TUSC3: variants seen among roughly 807,000 people sequenced by gnomAD.
The protein encoded by TUSC3 is tumor suppressor candidate 3, also known as dolichyl-diphosphooligosaccharide--protein glycosyltransferase subunit TUSC3.
TUSC3 carries 45 observed loss-of-function variants against 44.8 expected under a neutral mutation model. The ratio of observed to expected loss-of-function variants is 1.00; its 90% CI spans 0.79 to 1.29. The LOEUF is 1.29. Among genes scored for constraint, TUSC3 ranks in the 50% most tolerant of loss-of-function variants. TUSC3 has a pLI of 0.00. For synonymous variants in TUSC3, 212 were observed against 152.9 expected (o/e 1.39, Z -2.85); for missense variants, 519 against 437.9 (o/e 1.19, Z -1.65).
intron 1 of TUSC3, among the ~76,000 whole-genome samples, chr8:15,433,422 T>C (rs1033483766): frequency 6.6e-6 from 1 of 152,160 alleles, no homozygotes; most frequent in African/African-American, 2.4e-5. Context: ...GACCTTTTAT[T>C]AGTTTGAGTT....
At chr8:15,849,546 A>G in the TUSC3 span, among the ~76,000 whole-genome samples, 3 of 152,212 alleles carry the variant, frequency 2.0e-5, no homozygotes. Context: ...GCCCAACTTA[A>G]AGAAAGCCAC....
chr8:15,626,892 A>G (rs1263948362), intron 2 of TUSC3, among the ~76,000 whole-genome samples: 1 of 152,198 alleles, frequency 6.6e-6, no homozygotes, highest in Non-Finnish European at 1.5e-5. Context: ...CAACCTGGGC[A>G]CCATGAATGG....
At chr8:15,457,865 A>T (rs1334915289) in intron 1 of TUSC3, among the ~76,000 whole-genome samples, 12 of 56,294 alleles carry the variant, frequency 2.1e-4, no homozygotes, top group Non-Finnish European at 3.4e-4. Context: ...ATTATCTAAT[A>T]AATTAATTAG....
At chr8:15,545,219 C>G (rs1801823412) in intron 1 of TUSC3, among the ~76,000 whole-genome samples, 1 of 151,496 alleles carries the variant, frequency 6.6e-6, no homozygotes, top group Non-Finnish European at 1.5e-5. Context: ...TCCTTGAAAG[C>G]AACTAATGTC....
chr8:15,635,548 C>A (rs1305078175), intron 2 of TUSC3, among the ~76,000 whole-genome samples: 1 of 152,120 alleles, frequency 6.6e-6, no homozygotes, highest in African/African-American at 2.4e-5. Context: ...TTTAAAAATT[C>A]ACAATGGAAT....
intron 1 of TUSC3, among the ~76,000 whole-genome samples, chr8:15,611,718 G>C (rs1284685804): frequency 6.6e-6 from 1 of 152,018 alleles, no homozygotes; most frequent in Non-Finnish European, 1.5e-5. Flanking sequence ...AGGTAGTGGT[G>C]GTCTTTACTG....
intron 2 of TUSC3, among the ~76,000 whole-genome samples, chr8:15,522,452 T>G (rs921740692): frequency 3.3e-5 from 5 of 152,066 alleles, no homozygotes; most frequent in Non-Finnish European, 7.4e-5. Context: ...AGGTTGGTCT[T>G]GAACTCCCGA....
At chr8:15,837,275 C>T in the TUSC3 span, among the ~76,000 whole-genome samples, 1 of 151,946 alleles carries the variant, frequency 6.6e-6, no homozygotes, top group South Asian at 2.1e-4. Context: ...TCAGTTTTTT[C>T]TTATGGCATA....
At position 15,437,343 on chromosome 8, in the gene TUSC3, A is replaced by C. The variant is rs114918722; in HGVS notation, n.91+20038A>C. ...AGTCTAGACCTACATATCTCTGTTT[A>C]CTACATTTCTAAGCAGCTTTTATTT... On this transcript the variant is annotated intron_variant and non_coding_transcript_variant, in intron 1 of 5. Transcript: ENST00000503191. Among the ~76,000 whole-genome samples the C allele has an allele frequency of 4.5e-3, 679 of 152,296 alleles. 6 individuals carry two copies. Among genetic ancestry groups the C allele is most frequent in the African/African-American group, 0.016 (650 of 41,576 alleles).
intron 1 of TUSC3, among the ~76,000 whole-genome samples, chr8:15,569,748 G>T (rs1232678424): frequency 1.3e-5 from 2 of 152,066 alleles, no homozygotes; most frequent in Admixed American, 1.3e-4. Flanking sequence ...TTGTTGATTA[G>T]CATAATTTTT....
intron 2 of TUSC3, among the ~76,000 whole-genome samples, chr8:15,526,620 T>C (rs1386442444): frequency 6.6e-6 from 1 of 152,198 alleles, no homozygotes; most frequent in Non-Finnish European, 1.5e-5. Context: ...TCTGCCGCCA[T>C]GTAAAATGTG....
chr8:15,482,981 A>G (rs1413460945), intron 1 of TUSC3, among the ~76,000 whole-genome samples: 1 of 151,178 alleles, frequency 6.6e-6, no homozygotes, highest in African/African-American at 2.5e-5. Flanking sequence ...ATTAAGCTGT[A>G]GAAAAATATC....
intron 2 of TUSC3, among the ~76,000 whole-genome samples, chr8:15,631,375 A>G (rs900471387): frequency 6.6e-6 from 1 of 152,166 alleles, no homozygotes; most frequent in Non-Finnish European, 1.5e-5. Flanking sequence ...ACATTGTAGC[A>G]TTCCTTGAAT....
At position 15,623,182 on chromosome 8, in the gene TUSC3, C is replaced by G; in HGVS notation, c.241C>G (p.Pro81Ala). 6.2e-7 allele frequency: 1 copy of G among 1,613,698 alleles called. No homozygotes were observed. Among genetic ancestry groups the G allele is most frequent in the Non-Finnish European group, 8.5e-7 (1 of 1,179,776 alleles). ...DKFRKFIKAP[P>A]RNYSMIVMFT... ...ATTCCGAAAATTTATAAAGGCACCA[C>G]CTCGAAACTATTCCATGATTGTTAT... The change falls in exon 2 of 11, where the codon CCT becomes GCT. Residue 81 changes from proline (P) to alanine (A), a missense_variant. Transcript: ENST00000503731.
intron 6 of TUSC3, among the ~76,000 whole-genome samples, chr8:15,693,984 C>G (rs1443296620): frequency 6.6e-6 from 1 of 152,102 alleles, no homozygotes; most frequent in African/African-American, 2.4e-5. Context: ...GCTCTATCAG[C>G]TCAGTTTAGT....
chr8:15,425,320 T>C (rs547709475), intron 1 of TUSC3, among the ~76,000 whole-genome samples: 2 of 152,322 alleles, frequency 1.3e-5, no homozygotes, highest in African/African-American at 2.4e-5. Context: ...GTGTGATTCT[T>C]TTTCGCCCTT....
chr8:15,752,548 A>AACATCATAGTGTTCTGGTATTTT (rs1811752434), intron 9 of TUSC3, among the ~76,000 whole-genome samples: 1 of 152,134 alleles, frequency 6.6e-6, no homozygotes, highest in Non-Finnish European at 1.5e-5. Flanking sequence ...TTTTTTCCAG[A>AACATCATAGTGTTCTGGTATTTT]ACATCATAGT....
chr8:15,625,343 A>G (rs1431832712), intron 2 of TUSC3, among the ~76,000 whole-genome samples: 1 of 152,140 alleles, frequency 6.6e-6, no homozygotes, highest in African/African-American at 2.4e-5. Context: ...TATCAGGGTA[A>G]TATTGTACTC....
At chr8:15,827,529 A>G in the TUSC3 span, among the ~76,000 whole-genome samples, 2 of 152,186 alleles carry the variant, frequency 1.3e-5, no homozygotes, top group African/African-American at 4.8e-5. Flanking sequence ...GCTTAATGGA[A>G]GTAAAAATGG....
Sources: allele counts gnomAD v4.1 joint callset (sites outside exome capture counted in the v4.1 genomes callset), GRCh38; gene constraint gnomAD v4.1.1; transcripts MANE v1.5; gene names NCBI Gene and HGNC (gene_info 2026-07-23, HGNC 2026-07-21).